TAB2: variants seen among roughly 807,000 people sequenced by gnomAD.
TAB2 encodes the protein TGF-beta activated kinase 1 (MAP3K7) binding protein 2.
A neutral mutation model predicts 65.0 loss-of-function variants in TAB2; 3 were observed. The ratio of observed to expected loss-of-function variants is 0.05; its 90% CI spans 0.02 to 0.12. TAB2 has a LOEUF of 0.12. TAB2 is among the 10% of genes least tolerant of loss of function. TAB2 has a pLI of 1.00. For synonymous variants in TAB2, 298 were observed against 285.1 expected (o/e 1.05, Z -0.46); for missense variants, 623 against 840.3 (o/e 0.74, Z 3.20).
upstream of TAB2, chr6:149,218,608 C>T (rs1777072498): frequency 5.8e-6 from 2 of 341,996 alleles, no homozygotes; most frequent in Non-Finnish European, 1.2e-5. Flanking sequence ...GAAAGACACT[C>T]TTATATTCTT....
intron 1 of TAB2, chr6:149,342,923 C>G (rs1400557320): frequency 2.6e-5 from 4 of 152,150 alleles, no homozygotes; most frequent in African/African-American, 9.6e-5. Flanking sequence ...ACTTTCAAAA[C>G]TTATAGTCAT....
rs559363613 is a variant in TAB2, at chr6:149,356,097, C to G, written c.-89-13812C>G. ...AATTATTGAATCTGTTCTGATACCT[C>G]CTAATTTAATCGTATTTCCTAATGT... On this transcript the variant is annotated intron_variant, in intron 1 of 6. Transcript: ENST00000637181. 4.2e-4 allele frequency among the ~76,000 whole-genome samples: 64 copies of G among 152,294 alleles called. 1 individual carries two copies. The South Asian group carries it at 8.9e-3, about 21-fold the overall frequency.
intron 1 of TAB2, among the ~76,000 whole-genome samples, chr6:149,250,513 C>G (rs941946473): frequency 3.9e-5 from 6 of 152,122 alleles, no homozygotes; most frequent in African/African-American, 1.4e-4. Flanking sequence ...ACCATGTTCC[C>G]CATGCTGATC....
intron 6 of TAB2, among the ~76,000 whole-genome samples, chr6:149,406,761 C>T (rs1224529817): frequency 6.6e-6 from 1 of 151,910 alleles, no homozygotes; most frequent in Admixed American, 6.5e-5. Context: ...TGTTGTTGCC[C>T]AGGCTGGAGT....
chr6:149,404,196 G>A (rs1457213621), intron 6 of TAB2, among the ~76,000 whole-genome samples: 1 of 152,142 alleles, frequency 6.6e-6, no homozygotes, highest in African/African-American at 2.4e-5. Context: ...ATCAAAAAAG[G>A]AGATCAAGAA....
At chr6:149,237,575 A>T (rs1225045969) in intron 1 of TAB2, among the ~76,000 whole-genome samples, 1 of 152,206 alleles carries the variant, frequency 6.6e-6, no homozygotes, top group Non-Finnish European at 1.5e-5. Flanking sequence ...TCTCCTGTTT[A>T]TAAAACCTTC....
chr6:149,379,010 C>T lies in TAB2; in HGVS notation c.1095C>T (p.Pro365=), dbSNP rs1400504502. ...VNSQTLNRNQ[P]TVYIAASPPN... is the part of the protein sequence containing the mutation. ...GCCAGACCTTAAACAGAAATCAGCC[C>T]ACTGTTTACATAGCTGCCAGCCCCC... The change falls in exon 3 of 7, where the codon CCC becomes CCT. Residue 365 remains proline, a synonymous_variant. Coordinates refer to ENST00000637181, the MANE Select transcript of TAB2 (RefSeq NM_001292034.3). The T allele has an allele frequency of 6.2e-7, 1 of 1,614,154 alleles. No homozygotes were observed.
intron 3 of TAB2, among the ~76,000 whole-genome samples, chr6:149,392,179 C>A (rs933605660): frequency 6.6e-6 from 1 of 151,374 alleles, no homozygotes; most frequent in Non-Finnish European, 1.5e-5. Context: ...CTCACTTTGT[C>A]GCCCAGACTG....
intron 1 of TAB2, among the ~76,000 whole-genome samples, chr6:149,221,988 G>A (rs1452914050): frequency 6.6e-6 from 1 of 152,184 alleles, no homozygotes; most frequent in Non-Finnish European, 1.5e-5. Context: ...TAAGATTTGA[G>A]TCAGTAGACT....
chr6:149,293,768 C>T (rs1778824852), intron 1 of TAB2, among the ~76,000 whole-genome samples: 1 of 152,206 alleles, frequency 6.6e-6, no homozygotes, highest in Non-Finnish European at 1.5e-5. Flanking sequence ...GATCACTTCA[C>T]AGATAATACA....
intron 1 of TAB2, among the ~76,000 whole-genome samples, chr6:149,345,307 A>G (rs1780258597): frequency 1.3e-5 from 2 of 152,190 alleles, no homozygotes; most frequent in African/African-American, 2.4e-5. Flanking sequence ...TAAGTTAGAA[A>G]GTAACTGTAA....
At chr6:149,366,857 A>G (rs1356555660) in intron 1 of TAB2, among the ~76,000 whole-genome samples, 1 of 152,124 alleles carries the variant, frequency 6.6e-6, no homozygotes, top group African/African-American at 2.4e-5. Flanking sequence ...ATGTTTTAAT[A>G]ATGAAATACG....
intron 6 of TAB2, among the ~76,000 whole-genome samples, chr6:149,407,866 TC>T (rs1278248400): frequency 1.3e-5 from 2 of 152,052 alleles, no homozygotes; most frequent in Non-Finnish European, 2.9e-5. Context: ...ATTTTATAGA[TC>T]CCTTATTGAT....
In TAB2 at chr6:149,338,467, G is replaced by T. The variant is rs145633516; in HGVS notation, c.-90+20452G>T. On this transcript the variant is annotated intron_variant, in intron 1 of 6. Transcript: ENST00000637181. ...AAAGGTAAAGAAAGAGAAGAGAGAA[G>T]AGTTAAGGTAACTTCACTTTGCAGG... Among the ~76,000 whole-genome samples the T allele has an allele frequency of 8.9e-3, 1,348 of 152,274 alleles. 16 individuals carry two copies. The highest frequency in any genetic ancestry group is 0.031 in the African/African-American group (1,296 of 41,554).
rs76061831 is a variant in TAB2, at chr6:149,309,770, T to C, written c.-120-68248T>C. Among the ~76,000 whole-genome samples, 1,286 of 152,192 alleles carry C rather than the reference T, an allele frequency of 8.4e-3. 20 individuals carry two copies. Among genetic ancestry groups the C allele is most frequent in the African/African-American group, 0.03 (1,231 of 41,510 alleles). ...TGATTTCATTAATTTTGATATATAA[T>C]GTGTTTACATTTTCAAACTCAGAAA... is the stretch of plus-strand genomic sequence containing the variant. On this transcript the variant is annotated intron_variant, in intron 1 of 1. Coordinates refer to the TAB2 transcript ENST00000606202.
chr6:149,322,753 T>C (rs1251950596), intron 1 of TAB2, among the ~76,000 whole-genome samples: 1 of 152,208 alleles, frequency 6.6e-6, no homozygotes, highest in Admixed American at 6.5e-5. Flanking sequence ...GTAAATACTT[T>C]TAAAATATTT....
At chr6:149,363,128 A>T (rs1780908803) in intron 1 of TAB2, among the ~76,000 whole-genome samples, 1 of 152,212 alleles carries the variant, frequency 6.6e-6, no homozygotes, top group East Asian at 1.9e-4. Context: ...TATAGGGGGA[A>T]AATGTAATAT....
At chr6:149,408,583 A>G (rs1236827954) in intron 6 of TAB2, among the ~76,000 whole-genome samples, 1 of 152,220 alleles carries the variant, frequency 6.6e-6, no homozygotes, top group Non-Finnish European at 1.5e-5. Context: ...TTGTTTTAAC[A>G]TAGGTTTGAT....
In TAB2 at chr6:149,286,505, CA is replaced by C. The variant is rs772737206; in HGVS notation, c.-121+67732del. ...GCACTTCCACAGGTGCGAACTGGTT[CA>C]AACTTTTTGGAGAGAACTTTACCAA... On this transcript the variant is annotated intron_variant, in intron 1 of 1. Transcript: ENST00000606202. Among the ~76,000 whole-genome samples the C allele has an allele frequency of 5.6e-4, 85 of 152,304 alleles. 1 individual carries two copies. The highest frequency in any genetic ancestry group is 1.4e-3 in the Admixed American group (22 of 15,294).
Sources: allele counts gnomAD v4.1 joint callset (sites outside exome capture counted in the v4.1 genomes callset), GRCh38; gene constraint gnomAD v4.1.1; transcripts MANE v1.5; gene names NCBI Gene and HGNC (gene_info 2026-07-23, HGNC 2026-07-21).